Variants in ADAMTS3 observed in about 807,000 individuals in gnomAD.
ADAMTS3 encodes the protein A disintegrin and metalloproteinase with thrombospondin motifs 3.
A neutral mutation model predicts 129.0 loss-of-function variants in ADAMTS3; 73 were observed. The ratio of observed to expected loss-of-function variants is 0.57; its 90% CI spans 0.47 to 0.69. ADAMTS3 has a LOEUF of 0.69. Ranked by LOEUF, ADAMTS3 falls within the 30% of genes least tolerant of loss-of-function variation. ADAMTS3 has a pLI of 0.00. For missense variants in ADAMTS3, 1,457 were observed against 1,514.5 expected (o/e 0.96, Z 0.63); for synonymous variants, 477 against 510.8 (o/e 0.93, Z 0.89).
intron 21 of ADAMTS3, among the ~76,000 whole-genome samples, chr4:72,285,709 C>G (rs1196677153): frequency 7.7e-6 from 1 of 129,196 alleles, no homozygotes; most frequent in African/African-American, 3.0e-5. Flanking sequence ...AAAATAAGAG[C>G]AAAGGAATAC....
intron 3 of ADAMTS3, among the ~76,000 whole-genome samples, chr4:72,449,262 A>G (rs1439584564): frequency 2.0e-5 from 3 of 151,382 alleles, no homozygotes; most frequent in Admixed American, 2.0e-4. Context: ...CCCTAACCCC[A>G]TCTTCCCACT....
chr4:72,288,841 C>T lies in ADAMTS3; in HGVS notation c.2959G>A (p.Glu987Lys). Residue 987 changes from glutamate (E) to lysine (K), a missense_variant, in exon 21 of 22, where the codon GAG (glutamate) becomes AAG (lysine). Glu to Lys is a moderately conservative substitution (Grantham distance 56). Coordinates refer to ENST00000286657, the MANE Select transcript of ADAMTS3 (RefSeq NM_014243.3). ...ECSVTCGEGT[E>K]VRQVLCRAGD... The stretch of plus-strand genomic sequence containing the variant: ...GCCCTGCAGAGGACCTGCCTCACCT[C>T]CGTTCCTTCACCGCAGGTCACTGAA... The T allele has an allele frequency of 6.2e-7, 1 of 1,613,312 alleles. No individual in the cohort carries two copies.
chr4:72,312,279 G>A lies in ADAMTS3; in HGVS notation c.1921+12C>T, dbSNP rs755709048. 8 of 1,613,110 alleles carry A rather than the reference G, an allele frequency of 5.0e-6. No homozygotes were observed. Among genetic ancestry groups the A allele is most frequent in the South Asian group, 1.1e-5 (1 of 91,030 alleles). On this transcript the variant is annotated intron_variant, in intron 13 of 21. Coordinates refer to ENST00000286657, the MANE Select transcript of ADAMTS3 (RefSeq NM_014243.3). ...ATCCACACAGCAGGAAGGAGAGCAC[G>A]AGGCTACTCACGGTCAGGATGTTCA...
chr4:72,372,208 A>G (rs1417703270), intron 4 of ADAMTS3, among the ~76,000 whole-genome samples: 1 of 152,172 alleles, frequency 6.6e-6, no homozygotes, highest in Non-Finnish European at 1.5e-5. Flanking sequence ...AGTAAAGGAC[A>G]GAACATTAAA....
chr4:72,351,917 G>T (rs1031577253), intron 4 of ADAMTS3, among the ~76,000 whole-genome samples: 1 of 151,812 alleles, frequency 6.6e-6, no homozygotes, highest in Non-Finnish European at 1.5e-5. Flanking sequence ...GTAAAGGCAA[G>T]AAATAAATTT....
chr4:72,511,599 C>G (rs1720317800), intron 3 of ADAMTS3, among the ~76,000 whole-genome samples: 1 of 151,948 alleles, frequency 6.6e-6, no homozygotes, highest in African/African-American at 2.4e-5. Context: ...GACTTATACC[C>G]AAATGGCAGT....
chr4:72,288,970 A>AG, intron 20 of ADAMTS3, 102 bp from the exon 21 acceptor site: 1 of 728,186 alleles, frequency 1.4e-6, no homozygotes, highest in Non-Finnish European at 2.4e-6. Flanking sequence ...ACACACACAA[A>AG]GACACAGAGA....
chr4:72,364,202 A>G (rs1720808259), intron 4 of ADAMTS3, among the ~76,000 whole-genome samples: 1 of 151,392 alleles, frequency 6.6e-6, no homozygotes, highest in African/African-American at 2.4e-5. Flanking sequence ...ATGCATGTAC[A>G]TGTACACACA....
At chr4:72,455,933 T>C (rs192571607) in intron 3 of ADAMTS3, among the ~76,000 whole-genome samples, 3,586 of 77,748 alleles carry the variant, frequency 0.046, 220 homozygotes, top group Non-Finnish European at 0.051. Context: ...ATATATTTTA[T>C]ATATAGTATA....
intron 3 of ADAMTS3, among the ~76,000 whole-genome samples, chr4:72,518,975 C>G (rs1191594713): frequency 1.3e-5 from 2 of 151,888 alleles, no homozygotes; most frequent in Non-Finnish European, 2.9e-5. Flanking sequence ...GCGGCTGGTA[C>G]CAGTTGTTCC....
chr4:72,287,051 G>T (rs1177374876), intron 21 of ADAMTS3, among the ~76,000 whole-genome samples: 3 of 152,080 alleles, frequency 2.0e-5, no homozygotes, highest in Non-Finnish European at 4.4e-5. Context: ...TACTAACAGG[G>T]TGGGGACTTT....
At position 72,530,413 on chromosome 4, in the gene ADAMTS3, T is replaced by C. The variant is rs1371822901; in HGVS notation, c.504+18065A>G. Among the ~76,000 whole-genome samples, 39 of 86,248 alleles carry C rather than the reference T, an allele frequency of 4.5e-4. No individual in the cohort carries two copies. In the South Asian group the frequency reaches 0.015, roughly 33 times the overall value. 56.6% of individuals were successfully genotyped at this position (86,248 alleles called of 152,430 possible). ...AATTAACATATATGAATTTAATATA[T>C]AATATATATTAAATTAATATATGTT... On this transcript the variant is annotated intron_variant, in intron 3 of 21. Coordinates refer to ENST00000286657, the MANE Select transcript of ADAMTS3 (RefSeq NM_014243.3).
intron 3 of ADAMTS3, among the ~76,000 whole-genome samples, chr4:72,532,348 C>T (rs1390003711): frequency 6.6e-6 from 1 of 152,212 alleles, no homozygotes; most frequent in East Asian, 1.9e-4. Flanking sequence ...ATTGCATATT[C>T]CTCAAATGCA....
chr4:72,334,062 C>T (rs909381868), intron 5 of ADAMTS3, among the ~76,000 whole-genome samples: 2 of 151,732 alleles, frequency 1.3e-5, no homozygotes, highest in African/African-American at 2.4e-5. Flanking sequence ...ACCGTGTTAG[C>T]CAGGATGGTC....
intron 3 of ADAMTS3, among the ~76,000 whole-genome samples, chr4:72,449,350 C>A (rs1468154246): frequency 1.3e-5 from 2 of 151,774 alleles, no homozygotes; most frequent in African/African-American, 4.8e-5. Context: ...TGGATGCCCA[C>A]TGCTCCCCTA....
intron 3 of ADAMTS3, among the ~76,000 whole-genome samples, chr4:72,541,170 A>T (rs1372644076): frequency 6.6e-6 from 1 of 152,206 alleles, no homozygotes; most frequent in African/African-American, 2.4e-5. Context: ...CCCACCTCTT[A>T]CATCAGCATG....
chr4:72,475,963 CAGTT>C (rs1354265848), intron 3 of ADAMTS3, among the ~76,000 whole-genome samples: 3 of 151,782 alleles, frequency 2.0e-5, no homozygotes, highest in Non-Finnish European at 4.4e-5. Context: ...TTGTGGGACA[CAGTT>C]AAAGCAGTAC....
rs752834327 is a variant in ADAMTS3, at chr4:72,320,845, T to C, written c.971A>G (p.Asn324Ser). Residue 324 changes from asparagine (N) to serine (S), a missense_variant, in exon 7 of 22, where the codon AAC becomes AGC. Asn to Ser is a conservative substitution (Grantham distance 46, BLOSUM62 1). Coordinates refer to ENST00000286657, the MANE Select transcript of ADAMTS3 (RefSeq NM_014243.3). ...AKSISLIERG[N>S]PSRSLENVCR... is the part of the protein sequence containing the mutation. ...CACATTCTCCAAGCTTCTGGATGGG[T>C]TTCCCCTTTCTATGAGGCTGATGGA... The C allele has an allele frequency of 1.2e-6, 2 of 1,613,752 alleles. No individual in the cohort carries two copies. The highest frequency in any genetic ancestry group is 2.7e-5 in the African/African-American group (2 of 74,894).
chr4:72,440,815 G>A (rs1485861272), intron 3 of ADAMTS3, among the ~76,000 whole-genome samples: 1 of 151,712 alleles, frequency 6.6e-6, no homozygotes. Flanking sequence ...TCCCGTGGGA[G>A]TGAAATACAC....
Sources: allele counts gnomAD v4.1 joint callset (sites outside exome capture counted in the v4.1 genomes callset), GRCh38; gene constraint gnomAD v4.1.1; transcripts MANE v1.5; gene names NCBI Gene and HGNC (gene_info 2026-07-23, HGNC 2026-07-21).